Variants in NKIRAS2 observed in about 807,000 individuals in gnomAD.
The protein encoded by NKIRAS2 is NF-kappa-B inhibitor-interacting Ras-like protein 2.
In NKIRAS2, 15 loss-of-function variants were observed where a neutral mutation model predicts 20.7. That is an observed-to-expected ratio of 0.73 (90% CI 0.49 to 1.12). NKIRAS2 has a LOEUF of 1.12. Ranked by LOEUF, NKIRAS2 falls within the 50% of genes most tolerant of loss-of-function variation. The pLI is 0.00. For synonymous variants in NKIRAS2, 116 were observed against 101.4 expected (o/e 1.14, Z -0.87); for missense variants, 196 against 249.6 (o/e 0.79, Z 1.45).
At chr17:42,017,770 C>T, upstream of NKIRAS2, 2 of 357,072 alleles carry the variant, frequency 5.6e-6, no homozygotes, top group South Asian at 2.8e-5. Flanking sequence ...CTGAAAGGCT[C>T]CGTGGAGTCT....
Position 42,021,607 on chromosome 17 carries a change from T to C in NKIRAS2, c.30T>C (p.Cys10=). The C allele has an allele frequency of 6.2e-7, 1 of 1,614,186 alleles. No homozygotes were observed. The highest frequency in any genetic ancestry group is 2.2e-5 in the East Asian group (1 of 44,892). ...GGAAGAGCTGCAAGGTGGTCGTGTGTGGCCAGGCGTCTGTGGGCAAAACTT... is the reference window on the plus strand; with the variant it reads ...GGAAGAGCTGCAAGGTGGTCGTGTGCGGCCAGGCGTCTGTGGGCAAAACTT... The part of the protein sequence containing the change: MGKSCKVVV[C]GQASVGKTSI... Residue 10 remains cysteine (C), a synonymous_variant, in exon 2 of 4, where the codon TGT becomes TGC. Transcript: ENST00000393885.
At chr17:42,018,017 C>G (rs937018224), upstream of NKIRAS2, among the ~76,000 whole-genome samples, 3 of 152,170 alleles carry the variant, frequency 2.0e-5, no homozygotes, top group Admixed American at 1.3e-4. Context: ...CCAACTGGTT[C>G]ATCACCCTAA....
At position 42,022,660 on chromosome 17, in the gene NKIRAS2, G is replaced by A. The variant is rs544421687; in HGVS notation, c.336+20G>A. ...AAGGAGGTGTGTGGCATAGGCTTCT[G>A]GTGGGAGCCTCAGTGGTCAGAGAGT... is the stretch of plus-strand genomic sequence containing the variant. On this transcript the variant is annotated intron_variant, in intron 3 of 3. Coordinates refer to ENST00000393885, the MANE Select transcript of NKIRAS2 (RefSeq NM_017595.6). 1.9e-6 allele frequency: 3 copies of A among 1,601,364 alleles called. No individual in the cohort carries two copies. In the Admixed American group the frequency reaches 5.0e-5, roughly 27 times the overall value.
chr17:42,021,740 C>T lies in NKIRAS2; in HGVS notation c.94+69C>T, dbSNP rs954542374. 5.0e-6 allele frequency: 7 copies of T among 1,387,884 alleles called. No individual in the cohort carries two copies. The African/African-American group carries it at 5.7e-5, about 11-fold the overall frequency. 86.0% of individuals were successfully genotyped at this position (1,387,884 alleles called of 1,614,324 possible). A position where few individuals can be genotyped will look rare whatever the true frequency, so the allele number is the denominator to read the frequency against. On this transcript the variant is annotated intron_variant, in intron 2 of 3. Transcript: ENST00000393885. The stretch of plus-strand genomic sequence containing the variant: ...AATAAGGAATAGGACTTGATCACAA[C>T]ACACACAGGCTAAAAGCTGCTCCTG...
chr17:42,021,772 T>G, intron 2 of NKIRAS2, 101 bp downstream of exon 2: 2 of 1,096,596 alleles, frequency 1.8e-6, no homozygotes, highest in Non-Finnish European at 2.8e-6. Context: ...CCTGGTGGTT[T>G]TCCCCCCTGG....
rs2143426019 is a variant in NKIRAS2 at position 42,020,144 on chromosome 17, GCCCCT to G, written c.-69_-65del. 6.6e-6 allele frequency: 1 copy of G among 152,562 alleles called. No homozygotes were observed. The highest frequency in any genetic ancestry group is 6.5e-5 in the Admixed American group (1 of 15,310). 9.5% of individuals were successfully genotyped at this position (152,562 alleles called of 1,614,324 possible). On this transcript the variant is annotated 5_prime_UTR_variant, in exon 1 of 4. Coordinates refer to ENST00000393885, the MANE Select transcript of NKIRAS2 (RefSeq NM_017595.6). ...AGACTGGAGCCTTTGCGGCGGCGCT[GCCCCT>G]CCCCTGGTCCCCGCGAGCTCGGAGG... is the stretch of plus-strand genomic sequence containing the variant.
chr17:42,021,976 G>A, intron 2 of NKIRAS2: 1 of 589,162 alleles, frequency 1.7e-6, no homozygotes, highest in Admixed American at 1.9e-5. Flanking sequence ...TTGGGAGGCT[G>A]AGGCGGGTGG....
rs2052523417 is a variant in NKIRAS2 at position 42,024,152 on chromosome 17, A to G, written c.*259A>G. 4.2e-6 allele frequency: 2 copies of G among 478,272 alleles called. No homozygotes were observed. The highest frequency in any genetic ancestry group is 3.6e-5 in the Admixed American group (1 of 27,532). 29.6% of individuals were successfully genotyped at this position (478,272 alleles called of 1,614,324 possible). ...GATCTGCTCCACTGTCTCCTGGGGC[A>G]GTTGTGGGTCACTGTCCCTTCCAGC... On this transcript the variant is annotated 3_prime_UTR_variant, in exon 4 of 4. Transcript: ENST00000393885.
chr17:42,023,758 G>A lies in NKIRAS2; in HGVS notation c.441G>A (p.Trp147Ter), dbSNP rs1555653596. 1 of 1,614,150 alleles carries A rather than the reference G, an allele frequency of 6.2e-7. No individual in the cohort carries two copies. The highest frequency in any genetic ancestry group is 2.2e-5 in the East Asian group (1 of 44,882). The change falls in exon 4 of 4, where the codon TGG becomes TGA. Residue 147 changes from tryptophan (W) to a stop codon, truncating the protein, a stop_gained. Coordinates refer to ENST00000393885, the MANE Select transcript of NKIRAS2 (RefSeq NM_017595.6). LOFTEE classifies it high-confidence loss of function. ...CCAAGTCAGAGAAGGTGAAGCTGTGGGAGGTGTCAGTGGCGGACCGGCGCT... is the reference window on the plus strand; with the variant it reads ...CCAAGTCAGAGAAGGTGAAGCTGTGAGAGGTGTCAGTGGCGGACCGGCGCT... Reference protein sequence around the residue: ...HWAKSEKVKLWEVSVADRRSL... With the variant: ...HWAKSEKVKL
Position 42,022,403 on chromosome 17 carries a change from G to A in NKIRAS2, c.99G>A (p.Ser33=). 8.9e-6 allele frequency: 14 copies of A among 1,581,372 alleles called. No homozygotes were observed. The highest frequency in any genetic ancestry group is 1.4e-5 in the African/African-American group (1 of 73,992). The change falls in exon 3 of 4, where the codon TCG becomes TCA. Residue 33 remains serine (S), a synonymous_variant. Coordinates refer to ENST00000393885, the MANE Select transcript of NKIRAS2 (RefSeq NM_017595.6). Reference sequence around the variant, plus strand: ...AGTTTTCTCATTTTATACCAGGTTCGGAGATGATCGAGACGCAGGAGGACA... The same window carrying A: ...AGTTTTCTCATTTTATACCAGGTTCAGAGATGATCGAGACGCAGGAGGACA... ...QLLYGNHVVG[S]EMIETQEDIY...
intron 2 of NKIRAS2, chr17:42,021,937 C>T (rs568828871): frequency 3.5e-5 from 22 of 635,310 alleles, no homozygotes; most frequent in African/African-American, 1.1e-4. Context: ...TGGCCGGGTG[C>T]GGTGGATCAC....
At position 42,023,703 on chromosome 17, in the gene NKIRAS2, G is replaced by T. The variant is rs781827820; in HGVS notation, c.386G>T (p.Arg129Leu). Residue 129 changes from arginine (R) to leucine (L), a missense_variant, in exon 4 of 4, where the codon CGT (arginine) becomes CTT (leucine). Coordinates refer to ENST00000393885, the MANE Select transcript of NKIRAS2 (RefSeq NM_017595.6). ...GNKCDLQEQR[R>L]VDPDVAQHWA... is the part of the protein sequence containing the mutation. Reference sequence around the variant, plus strand: ...AAGTGTGACTTACAGGAGCAGCGGCGTGTAGACCCAGATGTGGCTCAGCAC... The same window carrying T: ...AAGTGTGACTTACAGGAGCAGCGGCTTGTAGACCCAGATGTGGCTCAGCAC... 1.9e-6 allele frequency: 3 copies of T among 1,614,040 alleles called. No individual in the cohort carries two copies. Among genetic ancestry groups the T allele is most frequent in the Admixed American group, 1.7e-5 (1 of 59,998 alleles).
intron 3 of NKIRAS2, chr17:42,022,997 G>T (rs2143447676): frequency 4.3e-6 from 1 of 233,084 alleles, no homozygotes; most frequent in South Asian, 4.0e-5. Context: ...CCCTTCTTTT[G>T]TTTGTTTGTT....
At position 42,023,714 on chromosome 17, in the gene NKIRAS2, G is replaced by C. The variant is rs2052512670; in HGVS notation, c.397G>C (p.Asp133His). The change falls in exon 4 of 4, where the codon GAT becomes CAT. Residue 133 changes from aspartate to histidine, a missense_variant. Coordinates refer to ENST00000393885, the MANE Select transcript of NKIRAS2 (RefSeq NM_017595.6). ...DLQEQRRVDPDVAQHWAKSEK... is the reference protein window; with the variant it reads ...DLQEQRRVDPHVAQHWAKSEK... The stretch of plus-strand genomic sequence containing the variant: ...ACAGGAGCAGCGGCGTGTAGACCCA[G>C]ATGTGGCTCAGCACTGGGCCAAGTC... 4 of 1,614,190 alleles carry C rather than the reference G, an allele frequency of 2.5e-6. No individual in the cohort carries two copies. The highest frequency in any genetic ancestry group is 3.4e-6 in the Non-Finnish European group (4 of 1,180,036).
At chr17:42,018,501 A>G (rs1476810437), upstream of NKIRAS2, 1 of 152,164 alleles carries the variant, frequency 6.6e-6, no homozygotes, top group Non-Finnish European at 1.5e-5. Context: ...GTGTGGAGGG[A>G]GCTGAAACCA....
upstream of NKIRAS2, chr17:42,017,728 G>A: frequency 2.1e-6 from 1 of 484,928 alleles, no homozygotes; most frequent in South Asian, 2.3e-5. Context: ...GAGCCTCATT[G>A]CCATAGCAAC....
chr17:42,018,979 A>G (rs1021416105), upstream of NKIRAS2, among the ~76,000 whole-genome samples: 1 of 152,246 alleles, frequency 6.6e-6, no homozygotes, highest in Non-Finnish European at 1.5e-5. Flanking sequence ...TAAATTCCGT[A>G]TCTTGTTAAA....
At chr17:42,017,724 C>T (rs2052346439), upstream of NKIRAS2, 3 of 495,312 alleles carry the variant, frequency 6.1e-6, no homozygotes, top group Admixed American at 7.4e-5. Flanking sequence ...CCAAGAGCCT[C>T]ATTGCCATAG....
Position 42,020,099 on chromosome 17 carries a change from C to T in NKIRAS2, c.-120C>T, listed in dbSNP as rs1413914890. 1 of 152,202 alleles carries T rather than the reference C, an allele frequency of 6.6e-6. No individual in the cohort carries two copies. Among genetic ancestry groups the T allele is most frequent in the African/African-American group, 2.4e-5 (1 of 41,412 alleles). 9.4% of individuals were successfully genotyped at this position (152,202 alleles called of 1,614,324 possible). On this transcript the variant is annotated 5_prime_UTR_variant, in exon 1 of 4. Transcript: ENST00000393885. ...GCGGCGGGGGCGGGGCCTGGAGGAG[C>T]CTACACCGACTCTGGAGGAAGACTG...
Sources: gnomAD v4.1 joint callset for allele counts (sites outside exome capture counted in the v4.1 genomes callset) on GRCh38, gnomAD v4.1.1 for gene constraint, MANE v1.5 for transcripts, NCBI Gene and HGNC (gene_info 2026-07-23, HGNC 2026-07-21) for gene names.